RAP1GAP: variants seen among roughly 807,000 people sequenced by gnomAD.
RAP1GAP encodes rap1 GTPase-activating protein 1.
Under a neutral mutation model 87.2 loss-of-function variants are expected in RAP1GAP, and 35 were observed. That is an observed-to-expected ratio of 0.40 (90% CI 0.31 to 0.53). RAP1GAP has a LOEUF of 0.53. RAP1GAP is among the 20% of genes least tolerant of loss of function. The pLI, the probability that RAP1GAP is intolerant of heterozygous loss-of-function variation, is 0.48. For synonymous variants in RAP1GAP, 375 were observed against 363.9 expected, an observed-to-expected ratio of 1.03 and a Z score of -0.35; for missense variants, 734 against 898.9, an observed-to-expected ratio of 0.82 and a Z score of 2.35.
At chr1:21,651,997 T>A (rs1012930642) in intron 1 of RAP1GAP, 99 of 343,846 alleles carry the variant, frequency 2.9e-4, no homozygotes, top group Non-Finnish European at 3.5e-4. Flanking sequence ...AAGGGCCGCT[T>A]GTTCGCGCCG....
Position 21,613,681 on chromosome 1 carries a change from C to T in RAP1GAP, c.421G>A (p.Val141Ile), listed in dbSNP as rs756248872. Residue 141 changes from valine (V) to isoleucine (I), a missense_variant, in exon 9 of 25, where the codon GTC (valine) becomes ATC (isoleucine). By Grantham distance (29) the Val-to-Ile change is conservative. Around this residue, in one of 2 missense-constraint regions of RAP1GAP, gnomAD observed 485 missense variants for 646.2 expected, o/e 0.75. Coordinates refer to ENST00000374765, the MANE Select transcript of RAP1GAP (RefSeq NM_002885.4). The surrounding 1 kb of genome is among the most constrained non-coding windows in gnomAD (Gnocchi z 4.7). ...LRTKCRTYHD[V>I]IPISCLTEFP... is the part of the protein sequence containing the mutation. Reference sequence around the variant, plus strand: ...TCGGTGAGGCAGGAGATGGGGATGACATCATGGTATGTCCGGCACTTGGTC... The same window carrying T: ...TCGGTGAGGCAGGAGATGGGGATGATATCATGGTATGTCCGGCACTTGGTC... The T allele has an allele frequency of 6.2e-7, 1 of 1,613,502 alleles. No homozygotes were observed. Among genetic ancestry groups the T allele is most frequent in the South Asian group, 1.1e-5 (1 of 91,058 alleles).
In RAP1GAP at chr1:21,603,596, T is replaced by C. The variant is rs772837472; in HGVS notation, c.1429-683A>G. ...GATCCTGGCAGGGACTGGGCCAGGG[T>C]CCCAGGGGCCAAGGCAGGGCCAGAA... On this transcript the variant is annotated intron_variant, in intron 18 of 24. Transcript: ENST00000374765. This position sits in a 1 kb window ranked among gnomAD's most constrained non-coding sequence, Gnocchi z 6.0. 5.9e-6 allele frequency: 4 copies of C among 681,420 alleles called. No homozygotes were observed. Among genetic ancestry groups the C allele is most frequent in the Non-Finnish European group, 1.1e-5 (4 of 374,180 alleles). 42.2% of individuals were successfully genotyped at this position (681,420 alleles called of 1,614,324 possible).
chr1:21,628,995 G>A (rs1180998622), intron 2 of RAP1GAP, among the ~76,000 whole-genome samples: 1 of 152,180 alleles, frequency 6.6e-6, no homozygotes, highest in Non-Finnish European at 1.5e-5. Context: ...CTATGTGACT[G>A]GGACTGCGTC....
intron 6 of RAP1GAP, 80 bp downstream of exon 6, chr1:21,617,854 G>A (rs2083304613): frequency 1.3e-6 from 2 of 1,582,366 alleles, no homozygotes; most frequent in African/African-American, 1.3e-5. Context: ...CTCCTAAGGA[G>A]GAGGACCTGG....
chr1:21,629,810 G>A (rs995909866), intron 2 of RAP1GAP, among the ~76,000 whole-genome samples: 1 of 152,208 alleles, frequency 6.6e-6, no homozygotes, highest in Admixed American at 6.5e-5. Context: ...AGAAAGGTGC[G>A]TTAACTTGCC....
chr1:21,606,207 G>T lies in RAP1GAP; in HGVS notation c.1297-10C>A, dbSNP rs2074420411. The T allele has an allele frequency of 1.3e-6, 2 of 1,573,180 alleles. No homozygotes were observed. The highest frequency in any genetic ancestry group is 1.3e-5 in the African/African-American group (1 of 74,444). ...GGCTCCGGATGACCCGCTGTGAAGG[G>T]GGTGGCAGTGGAGGAGGCACAGGAT... On this transcript the variant is annotated splice_polypyrimidine_tract_variant and intron_variant, in intron 17 of 24. Transcript: ENST00000374765.
intron 1 of RAP1GAP, chr1:21,651,822 T>A (rs1191327721): frequency 4.0e-6 from 5 of 1,252,408 alleles, no homozygotes; most frequent in Non-Finnish European, 3.0e-6. Context: ...CGGCCGCTCA[T>A]GGTGCCGCCG....
chr1:21,600,472 C>T (rs1449595765), intron 20 of RAP1GAP, among the ~76,000 whole-genome samples: 1 of 152,212 alleles, frequency 6.6e-6, no homozygotes, highest in Non-Finnish European at 1.5e-5. Context: ...CCTCACTGGC[C>T]TCTCTGCTTC....
At chr1:21,600,683 A>G (rs2067439206) in intron 20 of RAP1GAP, among the ~76,000 whole-genome samples, 1 of 152,018 alleles carries the variant, frequency 6.6e-6, no homozygotes, top group Non-Finnish European at 1.5e-5. Flanking sequence ...TCGGGAGATC[A>G]AGACCATCCT....
At chr1:21,616,182 CACACACACAT>C (rs2082034148) in intron 7 of RAP1GAP, among the ~76,000 whole-genome samples, 2 of 93,910 alleles carry the variant, frequency 2.1e-5, no homozygotes, top group South Asian at 7.5e-4. Flanking sequence ...CACACACACA[CACACACACAT>C]ACAATGACTA....
Position 21,602,844 on chromosome 1 carries a change from C to A in RAP1GAP, c.1498G>T (p.Ala500Ser). 6.2e-7 allele frequency: 1 copy of A among 1,610,956 alleles called. No individual in the cohort carries two copies. Among genetic ancestry groups the A allele is most frequent in the Non-Finnish European group, 8.5e-7 (1 of 1,179,726 alleles). Residue 500 changes from alanine (A) to serine (S), a missense_variant, in exon 19 of 25, where the codon GCC becomes TCC. Around this residue, in one of 2 missense-constraint regions of RAP1GAP, gnomAD observed 249 missense variants for 252.7 expected, o/e 0.99. Coordinates refer to ENST00000374765, the MANE Select transcript of RAP1GAP (RefSeq NM_002885.4). The part of the protein sequence containing the change: ...SGPFGSRRSS[A>S]IGIENIQEVQ... Reference sequence around the variant, plus strand: ...TCCTGTATGTTCTCGATGCCAATGGCGCTGCTGCGGCGGGAGCCGAACGGG... The same window carrying A: ...TCCTGTATGTTCTCGATGCCAATGGAGCTGCTGCGGCGGGAGCCGAACGGG...
chr1:21,601,143 T>C (rs2068053374), intron 20 of RAP1GAP, among the ~76,000 whole-genome samples: 1 of 151,956 alleles, frequency 6.6e-6, no homozygotes, highest in African/African-American at 2.4e-5. Flanking sequence ...ATCATCCTCC[T>C]GCTTCAGCCT....
intron 13 of RAP1GAP, 27 bp downstream of exon 13, chr1:21,611,425 G>T (rs2078220394): frequency 6.2e-7 from 1 of 1,601,236 alleles, no homozygotes. Context: ...GTGGAAGACA[G>T]GAGGCAGGTG....
intron 2 of RAP1GAP, among the ~76,000 whole-genome samples, chr1:21,646,553 C>T (rs1388607874): frequency 6.6e-6 from 1 of 152,236 alleles, no homozygotes; most frequent in Non-Finnish European, 1.5e-5. Context: ...GCCTGGCATG[C>T]TGTCAGCTCT....
chr1:21,641,412 C>T (rs1490574724), intron 2 of RAP1GAP, among the ~76,000 whole-genome samples: 1 of 152,198 alleles, frequency 6.6e-6, no homozygotes, highest in Admixed American at 6.5e-5. Context: ...CCAGCTCCTT[C>T]CCATTCAGGC....
At chr1:21,625,231 C>A (rs2091432017) in intron 3 of RAP1GAP, among the ~76,000 whole-genome samples, 1 of 152,174 alleles carries the variant, frequency 6.6e-6, no homozygotes, top group East Asian at 1.9e-4. Flanking sequence ...TTATTCCAGG[C>A]CAGAGCTCTC....
chr1:21,608,585 C>T (rs1206379937), intron 16 of RAP1GAP, among the ~76,000 whole-genome samples: 2 of 150,802 alleles, frequency 1.3e-5, no homozygotes, highest in East Asian at 3.9e-4. Context: ...GCTTCATGTC[C>T]CCACCCCCCA....
At chr1:21,626,677 G>C (rs1168883567) in intron 2 of RAP1GAP, among the ~76,000 whole-genome samples, 1 of 152,186 alleles carries the variant, frequency 6.6e-6, no homozygotes, top group African/African-American at 2.4e-5. Context: ...TGAGTAGACT[G>C]AGGCAGGGGC....
At chr1:21,653,598 C>T (rs12128206) in intron 1 of RAP1GAP, among the ~76,000 whole-genome samples, 31 of 121,812 alleles carry the variant, frequency 2.5e-4, no homozygotes, top group South Asian at 5.1e-4. Flanking sequence ...CTTCCTCCCT[C>T]CCTCCCTCCC....
Sources: allele counts gnomAD v4.1 joint callset (sites outside exome capture counted in the v4.1 genomes callset), GRCh38; gene constraint gnomAD v4.1.1; regional missense constraint gnomAD v4.1.1; non-coding constraint Gnocchi (gnomAD v3.1); transcripts MANE v1.5; gene names NCBI Gene and HGNC (gene_info 2026-07-23, HGNC 2026-07-21).